Variants in PLIN1 observed in about 807,000 individuals in gnomAD.
PLIN1 encodes the protein perilipin 1.
A neutral mutation model predicts 45.8 loss-of-function variants in PLIN1; 37 were observed. The observed-to-expected ratio is 0.81, with a 90% confidence interval of 0.62 to 1.06. PLIN1 has a LOEUF of 1.06. PLIN1 is among the 50% of genes least tolerant of loss of function. PLIN1 has a pLI of 0.00. For missense variants in PLIN1, 776 were observed against 716.5 expected (o/e 1.08, Z -0.95); for synonymous variants, 340 against 309.2 (o/e 1.10, Z -1.05).
At chr15:89,677,898 C>CCA (rs1467686924) in intron 1 of PLIN1, 1 of 178,078 alleles carries the variant, frequency 5.6e-6, no homozygotes, top group African/African-American at 2.4e-5. Flanking sequence ...TTACAGGCGC[C>CCA]CACCACCACG....
rs1964308529 is a variant in PLIN1, at chr15:89,664,996, A to C, written c.*587T>G. ...TCAGCCTGTGAAGCGGCGGGTACTC[A>C]GAAAGTGACACTAGTATTTTAAATA... On this transcript the variant is annotated 3_prime_UTR_variant, in exon 9 of 9. Coordinates refer to ENST00000300055, the MANE Select transcript of PLIN1 (RefSeq NM_002666.5). 1.3e-5 allele frequency: 6 copies of C among 449,090 alleles called. No individual in the cohort carries two copies. The highest frequency in any genetic ancestry group is 9.5e-5 in the South Asian group (6 of 63,282). 27.8% of individuals were successfully genotyped at this position (449,090 alleles called of 1,614,324 possible). A position where few individuals can be genotyped will look rare whatever the true frequency, so the allele number is the denominator to read the frequency against.
rs543996022 is a variant in PLIN1, at chr15:89,665,445, C to T, written c.*138G>A. On this transcript the variant is annotated 3_prime_UTR_variant, in exon 9 of 9. Transcript: ENST00000300055. ...AATAAAATAAAAATAAAAAGTGCGC[C>T]TTGGCAGCATCATCAGGATGAGGCT... 1.5e-5 allele frequency: 9 copies of T among 594,870 alleles called. No individual in the cohort carries two copies. The highest frequency in any genetic ancestry group is 2.3e-5 in the Non-Finnish European group (9 of 385,812). 36.8% of individuals were successfully genotyped at this position (594,870 alleles called of 1,614,324 possible).
At chr15:89,669,018 G>C (rs984459184) in intron 6 of PLIN1, among the ~76,000 whole-genome samples, 5 of 151,678 alleles carry the variant, frequency 3.3e-5, no homozygotes, top group African/African-American at 1.2e-4. Context: ...AACTCTCCCT[G>C]GGCCTAGAAA....
At position 89,671,494 on chromosome 15, in the gene PLIN1, G is replaced by GA. The variant is rs1417095753; in HGVS notation, c.320_321insT (p.Glu110Ter). 6.4e-7 allele frequency: 1 copy of GA among 1,570,520 alleles called. No homozygotes were observed. The highest frequency in any genetic ancestry group is 8.6e-7 in the Non-Finnish European group (1 of 1,156,860). On this transcript the variant is annotated frameshift_variant, in exon 4 of 9. Coordinates refer to ENST00000300055, the MANE Select transcript of PLIN1 (RefSeq NM_002666.5). LOFTEE classifies it high-confidence loss of function. ...GGGAAGGGCTCACCTTTTCAGGGGG[G>GA]TACTGGAGGGCGGGGATCTTTTCCT...
At chr15:89,679,058 GGTT>G (rs1964560954) in intron 1 of PLIN1, among the ~76,000 whole-genome samples, 190 bp downstream of exon 1, 1 of 152,146 alleles carries the variant, frequency 6.6e-6, no homozygotes, top group African/African-American at 2.4e-5. Flanking sequence ...GTGTTGCCCA[GGTT>G]GTTCTTGAAC....
chr15:89,664,660 CATACACAAGAG>C lies in PLIN1; in HGVS notation c.*912_*922del. On this transcript the variant is annotated 3_prime_UTR_variant, in exon 9 of 9. Coordinates refer to ENST00000300055, the MANE Select transcript of PLIN1 (RefSeq NM_002666.5). ...ACGTGCCTGCAGGTGCATAGCCCTG[CATACACAAGAG>C]ATGGCACCGTGGTGGTTTTCAATGA... The C allele has an allele frequency of 2.7e-6, 1 of 363,858 alleles. No individual in the cohort carries two copies. The highest frequency in any genetic ancestry group is 2.1e-5 in the South Asian group (1 of 48,606). The allele number at this position is 363,858 out of a possible 1,614,324, so 22.5% of individuals were successfully genotyped here.
At chr15:89,670,733 A>G (rs997332249) in intron 4 of PLIN1, among the ~76,000 whole-genome samples, 10 of 152,240 alleles carry the variant, frequency 6.6e-5, no homozygotes, top group African/African-American at 2.4e-4. Flanking sequence ...AGCAAAGAGC[A>G]CAGGTCTCAC....
At chr15:89,671,975 CCTT>C (rs1315012468) in intron 3 of PLIN1, among the ~76,000 whole-genome samples, 18 of 152,236 alleles carry the variant, frequency 1.2e-4, no homozygotes, top group African/African-American at 4.1e-4. Context: ...TTCTTTCCCT[CCTT>C]CTCTTCCTTC....
At chr15:89,675,963 C>G (rs1014262185) in intron 2 of PLIN1, among the ~76,000 whole-genome samples, 1 of 151,922 alleles carries the variant, frequency 6.6e-6, no homozygotes, top group African/African-American at 2.4e-5. Flanking sequence ...TCATGGTCTT[C>G]GGGGCTAATA....
intron 7 of PLIN1, 113 bp from the exon 8 acceptor site, chr15:89,667,294 C>A (rs1567076155): frequency 7.1e-7 from 1 of 1,417,488 alleles, no homozygotes; most frequent in East Asian, 2.3e-5. Context: ...TACAAAACTT[C>A]AGGCCTATTC....
intron 1 of PLIN1, among the ~76,000 whole-genome samples, chr15:89,678,237 C>T (rs545849154): frequency 6.6e-5 from 10 of 151,498 alleles, no homozygotes; most frequent in East Asian, 2.0e-4. Context: ...AGGCCAGGCG[C>T]GGTGGCTCAG....
At position 89,673,376 on chromosome 15, in the gene PLIN1, C is replaced by G. The variant is rs375961293; in HGVS notation, c.84G>C (p.Pro28=). Residue 28 remains proline, a synonymous_variant, in exon 3 of 9, where the codon CCG becomes CCC. Coordinates refer to ENST00000300055, the MANE Select transcript of PLIN1 (RefSeq NM_002666.5). ...AGCATTCGCAGGTGCCACTCACCAC[C>G]GGCAGCTGCAGGACCCGCTGCAGCA... ...ENVLQRVLQL[P]VVSGTCECFQ... 122 of 1,604,582 alleles carry G rather than the reference C, an allele frequency of 7.6e-5. No homozygotes were observed. Among genetic ancestry groups the G allele is most frequent in the Non-Finnish European group, 1.0e-4 (119 of 1,175,560 alleles).
At chr15:89,669,376 G>T in intron 6 of PLIN1, 124 bp downstream of exon 6, 1 of 871,006 alleles carries the variant, frequency 1.1e-6, no homozygotes, top group East Asian at 2.4e-5. Context: ...TGAAGCCCCA[G>T]CCCACGTTGG....
rs750205728 is a variant in PLIN1, at chr15:89,670,002, G to A, written c.576C>T (p.Leu192=). 6.8e-6 allele frequency: 11 copies of A among 1,612,606 alleles called. No individual in the cohort carries two copies. The highest frequency in any genetic ancestry group is 5.9e-6 in the Non-Finnish European group (7 of 1,179,650). ...GSIEKVVEYL[L]PPDKEESAPA... ...TACCTGACTCTTCCTTGTCTGGAGG[G>A]AGGAGGTACTCCACCACCTTCTCAA... Residue 192 remains leucine (L), a synonymous_variant, in exon 5 of 9, where the codon CTC becomes CTT. Transcript: ENST00000300055.
At chr15:89,672,329 A>T (rs535629679) in intron 3 of PLIN1, among the ~76,000 whole-genome samples, 2 of 152,136 alleles carry the variant, frequency 1.3e-5, no homozygotes, top group Non-Finnish European at 2.9e-5. Flanking sequence ...TTTCAAGGAG[A>T]GTTCTTCATA....
At position 89,665,567 on chromosome 15, in the gene PLIN1, C is replaced by T. The variant is rs1011354060; in HGVS notation, c.*16G>A. The T allele has an allele frequency of 3.7e-5, 57 of 1,523,252 alleles. No homozygotes were observed. Among genetic ancestry groups the T allele is most frequent in the Non-Finnish European group, 4.2e-5 (48 of 1,137,266 alleles). 94.4% of individuals were successfully genotyped at this position (1,523,252 alleles called of 1,614,324 possible). ...AGAAACCCGCCGGCCCGGGGCGCGG[C>T]GGCTGGTGCGGCGACTCAGCTCTTC... On this transcript the variant is annotated 3_prime_UTR_variant, in exon 9 of 9. Coordinates refer to ENST00000300055, the MANE Select transcript of PLIN1 (RefSeq NM_002666.5).
intron 4 of PLIN1, among the ~76,000 whole-genome samples, chr15:89,670,783 G>A (rs1211180685): frequency 2.0e-5 from 3 of 152,194 alleles, no homozygotes; most frequent in Non-Finnish European, 4.4e-5. Context: ...ACTTAAGGCT[G>A]TGTGGCCGTG....
At chr15:89,674,399 G>A (rs1964485780) in intron 2 of PLIN1, among the ~76,000 whole-genome samples, 1 of 152,138 alleles carries the variant, frequency 6.6e-6, no homozygotes, top group Admixed American at 6.5e-5. Flanking sequence ...TGGGACTACA[G>A]GCCTGTGACA....
Position 89,664,715 on chromosome 15 carries a change from G to A in PLIN1, c.*868C>T, listed in dbSNP as rs1007327162. On this transcript the variant is annotated 3_prime_UTR_variant, in exon 9 of 9. Transcript: ENST00000300055. The stretch of plus-strand genomic sequence containing the variant: ...TCAATGAAGGGGAACAGGGGAGCTC[G>A]GGGAGAAAGACACACATCCTTTTGC... 6 of 392,456 alleles carry A rather than the reference G, an allele frequency of 1.5e-5. No homozygotes were observed. The highest frequency in any genetic ancestry group is 7.0e-4 in the Middle Eastern group (1 of 1,424). 24.3% of individuals were successfully genotyped at this position (392,456 alleles called of 1,614,324 possible).
Sources: gnomAD v4.1 joint callset for allele counts (sites outside exome capture counted in the v4.1 genomes callset) on GRCh38, gnomAD v4.1.1 for gene constraint, MANE v1.5 for transcripts, NCBI Gene and HGNC (gene_info 2026-07-23, HGNC 2026-07-21) for gene names.